ZWINT: variants seen among roughly 807,000 people sequenced by gnomAD.
ZWINT encodes ZW10 interacting kinetochore protein, also known as outer kinetochore KNL1 complex subunit ZWINT.
In ZWINT, 41 loss-of-function variants were observed where a neutral mutation model predicts 41.5. The observed-to-expected ratio is 0.99, with a 90% CI of 0.77 to 1.28. ZWINT has a LOEUF of 1.28. Among genes scored for constraint, ZWINT ranks in the 50% most tolerant of loss-of-function variants. The pLI, the probability that ZWINT is intolerant of heterozygous loss-of-function variation, is 0.00. For missense variants in ZWINT, 369 were observed against 329.7 expected (o/e 1.12, Z -0.92); for synonymous variants, 132 against 126.8 (o/e 1.04, Z -0.28).
In ZWINT at chr10:56,358,637, ATCTGGAAGAT is replaced by A; in HGVS notation, c.701_710del (p.Asn234MetfsTer38). 1 of 1,613,934 alleles carries A rather than the reference ATCTGGAAGAT, an allele frequency of 6.2e-7. No individual in the cohort carries two copies. Among genetic ancestry groups the A allele is most frequent in the Non-Finnish European group, 8.5e-7 (1 of 1,180,018 alleles). ...GTCGAGTCGGCTGCTGGGGTTTATC[ATCTGGAAGAT>A]TCTCTGCCTCAGCCTCAGCCTCAGG... On this transcript the variant is annotated frameshift_variant, in exon 7 of 9. Transcript: ENST00000373944. LOFTEE classifies it high-confidence loss of function.
rs749253271 is a variant in ZWINT at position 56,358,813 on chromosome 10, C to A, written c.615G>T (p.Lys205Asn). Reference sequence around the variant, plus strand: ...CATGCTCCCGAACTTACCTCTGCAGCTTGTCCCGCTCCTGTTCTGCCTGCT... The same window carrying A: ...CATGCTCCCGAACTTACCTCTGCAGATTGTCCCGCTCCTGTTCTGCCTGCT... ...LKQQAEQERD[K>N]LQRYQTFLQL... The change falls in exon 6 of 9, where the codon AAG (lysine) becomes AAT (asparagine). Residue 205 changes from lysine to asparagine, a missense_variant. Transcript: ENST00000373944. The A allele has an allele frequency of 6.2e-7, 1 of 1,614,074 alleles. No homozygotes were observed. Among genetic ancestry groups the A allele is most frequent in the Admixed American group, 1.7e-5 (1 of 60,016 alleles).
In ZWINT at chr10:56,360,136, A is replaced by G; in HGVS notation, c.138T>C (p.Ser46=). The part of the protein sequence containing the change: ...AKILVEFVVD[S]QKKDKLLCSQ... Reference sequence around the variant, plus strand: ...TGCAGAGCAGCTTGTCTTTCTTCTGAGAGTCCTGCTCAGAGGGAGGGCAGA... The same window carrying G: ...TGCAGAGCAGCTTGTCTTTCTTCTGGGAGTCCTGCTCAGAGGGAGGGCAGA... The change falls in exon 3 of 9, where the codon TCT becomes TCC. Residue 46 remains serine, a synonymous_variant. Coordinates refer to ENST00000373944, the MANE Select transcript of ZWINT (RefSeq NM_007057.4). 1 of 1,614,006 alleles carries G rather than the reference A, an allele frequency of 6.2e-7. No individual in the cohort carries two copies. The highest frequency in any genetic ancestry group is 8.5e-7 in the Non-Finnish European group (1 of 1,180,032).
chr10:56,359,990 C>A (rs1428400674), intron 3 of ZWINT, 28 bp downstream of exon 3: 1 of 1,612,284 alleles, frequency 6.2e-7, no homozygotes, highest in African/African-American at 1.3e-5. Flanking sequence ...CTCAGGTCAG[C>A]TGCTACTACA....
rs1188536847 is a variant in ZWINT at position 56,359,853 on chromosome 10, C to T, written c.257G>A (p.Arg86Gln). The change falls in exon 4 of 9, where the codon CGA (arginine) becomes CAA (glutamine). Residue 86 changes from arginine to glutamine, a missense_variant and splice_region_variant. Coordinates refer to ENST00000373944, the MANE Select transcript of ZWINT (RefSeq NM_007057.4). Reference sequence around the variant, plus strand: ...TTCCTTAGCTGCAATTGCCTTCTGTCCTGAGATGAGCCACCAGGAATGAGT... The same window carrying T: ...TTCCTTAGCTGCAATTGCCTTCTGTTCTGAGATGAGCCACCAGGAATGAGT... The part of the protein sequence containing the change: ...LDPLASEDTS[R>Q]QKAIAAKEQW... The T allele has an allele frequency of 6.2e-7, 1 of 1,613,996 alleles. No homozygotes were observed. Among genetic ancestry groups the T allele is most frequent in the South Asian group, 1.1e-5 (1 of 91,058 alleles).
chr10:56,361,067 G>T, intron 1 of ZWINT, 129 bp downstream of exon 1: 1 of 1,004,906 alleles, frequency 1.0e-6, no homozygotes. Context: ...GGACTGCGGT[G>T]AGGATCACTT....
At position 56,360,314 on chromosome 10, in the gene ZWINT, C is replaced by A. The variant is rs141217755; in HGVS notation, c.111G>T (p.Lys37Asn). ...ATACCACCACAAACTCAACCAGGAT[C>A]TTGGCTGGCAGTTCTGCCTCCTCCT... is the stretch of plus-strand genomic sequence containing the variant. ...GLQEEAELPA[K>N]ILVEFVVDSQ... The change falls in exon 2 of 9, where the codon AAG becomes AAT. Residue 37 changes from lysine to asparagine, a missense_variant. Lys to Asn is a moderately conservative substitution (Grantham distance 94). Transcript: ENST00000373944. The A allele has an allele frequency of 3.1e-5, 50 of 1,614,186 alleles. No individual in the cohort carries two copies. The African/African-American group carries it at 5.9e-4, about 19-fold the overall frequency.
intron 5 of ZWINT, among the ~76,000 whole-genome samples, 190 bp downstream of exon 5, chr10:56,359,286 G>T (rs1838257750): frequency 6.6e-6 from 1 of 152,174 alleles, no homozygotes; most frequent in Non-Finnish European, 1.5e-5. Flanking sequence ...TTTAAATAAA[G>T]AAACAGAAAG....
chr10:56,358,472 C>T lies in ZWINT; in HGVS notation c.793-13G>A, dbSNP rs1224377805. ...GTAGACCAACAGCCTTGGAGAAATA[C>T]AGTATAGACAGTGGGTAAGGCCAAT... On this transcript the variant is annotated splice_polypyrimidine_tract_variant and intron_variant, in intron 7 of 8. Transcript: ENST00000373944. 2 of 1,614,078 alleles carry T rather than the reference C, an allele frequency of 1.2e-6. No homozygotes were observed. The highest frequency in any genetic ancestry group is 1.1e-5 in the South Asian group (1 of 91,078).
intron 6 of ZWINT, 22 bp from the exon 7 acceptor site, chr10:56,358,746 GAAGGA>G (rs756969879): frequency 6.2e-7 from 1 of 1,614,052 alleles, no homozygotes; most frequent in East Asian, 2.2e-5. Flanking sequence ...AGGTAAGTGT[GAAGGA>G]AAGGAATCTC....
chr10:56,360,349 C>G lies in ZWINT; in HGVS notation c.76G>C (p.Val26Leu). Residue 26 changes from valine (V) to leucine (L), a missense_variant, in exon 2 of 9, where the codon GTA (valine) becomes CTA (leucine). Physicochemically the swap from Val to Leu is conservative, Grantham distance 32 (BLOSUM62 1). Coordinates refer to ENST00000373944, the MANE Select transcript of ZWINT (RefSeq NM_007057.4). Reference protein sequence around the residue: ...LAEVAGILEPVGLQEEAELPA... With the variant: ...LAEVAGILEPLGLQEEAELPA... Reference sequence around the variant, plus strand: ...AGTTCTGCCTCCTCCTGCAGGCCTACAGGTTCCAAGATGCCTGCCACCTCA... The same window carrying G: ...AGTTCTGCCTCCTCCTGCAGGCCTAGAGGTTCCAAGATGCCTGCCACCTCA... 1.2e-6 allele frequency: 2 copies of G among 1,614,200 alleles called. No homozygotes were observed. Among genetic ancestry groups the G allele is most frequent in the Non-Finnish European group, 1.7e-6 (2 of 1,180,038 alleles).
chr10:56,358,340 G>A, intron 8 of ZWINT, 37 bp downstream of exon 8: 2 of 1,538,138 alleles, frequency 1.3e-6, no homozygotes, highest in Non-Finnish European at 1.8e-6. Context: ...TTCCACACTT[G>A]CAGTCCAGGG....
chr10:56,360,665 T>C (rs1048974209), intron 1 of ZWINT, among the ~76,000 whole-genome samples: 1 of 152,088 alleles, frequency 6.6e-6, no homozygotes, highest in Non-Finnish European at 1.5e-5. Context: ...AGGGAGTGTC[T>C]CACTGAAGAG....
intron 1 of ZWINT, among the ~76,000 whole-genome samples, chr10:56,360,707 A>C (rs1366856437): frequency 3.9e-5 from 6 of 152,232 alleles, no homozygotes; most frequent in Non-Finnish European, 1.5e-5. Context: ...GAAGGAAGCC[A>C]GGGAGATATG....
Position 56,358,555 on chromosome 10 carries a change from C to G in ZWINT, c.792+1G>C, listed in dbSNP as rs1484073037. 6.2e-7 allele frequency: 1 copy of G among 1,613,852 alleles called. No homozygotes were observed. The highest frequency in any genetic ancestry group is 8.5e-7 in the Non-Finnish European group (1 of 1,179,984). On this transcript the variant is annotated splice_donor_variant, in intron 7 of 8. Transcript: ENST00000373944. LOFTEE classifies it high-confidence loss of function. ...GCCCACCTGTTCCATCTCTCATTTA[C>G]CTTGAAGGACACACCAGGGTCTCTC...
At chr10:56,359,398 G>C in intron 5 of ZWINT, 78 bp downstream of exon 5, 2 of 1,388,676 alleles carry the variant, frequency 1.4e-6, no homozygotes, top group Non-Finnish European at 1.9e-6. Context: ...GAAGCAAAAC[G>C]GTTTTCTAGA....
intron 8 of ZWINT, 83 bp from the exon 9 acceptor site, chr10:56,358,268 T>TCCCA: frequency 1.1e-6 from 1 of 948,664 alleles, no homozygotes; most frequent in East Asian, 2.4e-5. Context: ...GTTCCCACCA[T>TCCCA]CCATCTGCTC....
chr10:56,359,354 A>T (rs916981934), intron 5 of ZWINT, 122 bp downstream of exon 5: 1 of 877,128 alleles, frequency 1.1e-6, no homozygotes, highest in Admixed American at 2.8e-5. Flanking sequence ...ATTCAAGCCC[A>T]TGTTGGTATT....
At chr10:56,359,419 A>G in intron 5 of ZWINT, 57 bp downstream of exon 5, 3 of 1,477,910 alleles carry the variant, frequency 2.0e-6, no homozygotes, top group Non-Finnish European at 2.7e-6. Flanking sequence ...CAGGGGACAC[A>G]GCCGATACAA....
rs1225353636 is a variant in ZWINT at position 56,360,003 on chromosome 10, C to T, written c.256+15G>A. 4 of 1,613,564 alleles carry T rather than the reference C, an allele frequency of 2.5e-6. No homozygotes were observed. The highest frequency in any genetic ancestry group is 3.3e-5 in the Admixed American group (2 of 59,982). Reference sequence around the variant, plus strand: ...CACTCAGGTCAGCTGCTACTACAATCCCCTGCCTACTCACGGCTCGTGTCT... The same window carrying T: ...CACTCAGGTCAGCTGCTACTACAATTCCCTGCCTACTCACGGCTCGTGTCT... On this transcript the variant is annotated intron_variant, in intron 3 of 8. Transcript: ENST00000373944.
Sources: gnomAD v4.1 joint callset for allele counts (sites outside exome capture counted in the v4.1 genomes callset) on GRCh38, gnomAD v4.1.1 for gene constraint, MANE v1.5 for transcripts, NCBI Gene and HGNC (gene_info 2026-07-23, HGNC 2026-07-21) for gene names.